MAD1L1: variants seen among roughly 807,000 people sequenced by gnomAD.
MAD1L1 encodes the protein mitotic spindle assembly checkpoint protein MAD1.
MAD1L1 carries 95 observed loss-of-function variants against 96.9 expected under a neutral mutation model. The observed-to-expected ratio is 0.98, with a 90% CI of 0.83 to 1.16. The LOEUF (loss-of-function observed/expected upper bound fraction) is 1.16. MAD1L1 is among the 50% of genes most tolerant of loss of function. The pLI is 0.00. For synonymous variants in MAD1L1, 473 were observed against 396.6 expected (o/e 1.19, Z -2.29); for missense variants, 1,007 against 954.4 (o/e 1.06, Z -0.73).
chr7:2,163,892 CTT>C (rs1348132297), intron 10 of MAD1L1, among the ~76,000 whole-genome samples: 1 of 151,992 alleles, frequency 6.6e-6, no homozygotes, highest in Non-Finnish European at 1.5e-5. Flanking sequence ...TGTAAATAGT[CTT>C]GTTTTCAAAA....
intron 15 of MAD1L1, among the ~76,000 whole-genome samples, chr7:1,970,288 C>T (rs1780345420): frequency 6.7e-6 from 1 of 149,898 alleles, no homozygotes; most frequent in African/African-American, 2.5e-5. Flanking sequence ...GAGCTGTATC[C>T]TATAAGAAAA....
At chr7:1,869,965 A>C (rs1166842337) in intron 18 of MAD1L1, among the ~76,000 whole-genome samples, 1 of 152,132 alleles carries the variant, frequency 6.6e-6, no homozygotes, top group African/African-American at 2.4e-5. Flanking sequence ...TTCATAAGCC[A>C]AGGGGTGCCT....
intron 11 of MAD1L1, among the ~76,000 whole-genome samples, chr7:2,139,749 G>A (rs1397675935): frequency 6.6e-6 from 1 of 152,214 alleles, no homozygotes; most frequent in Non-Finnish European, 1.5e-5. Context: ...GGGCCAGTGT[G>A]AGGGGCTCTG....
intron 10 of MAD1L1, among the ~76,000 whole-genome samples, chr7:2,162,446 A>G (rs536307434): frequency 6.6e-6 from 1 of 152,268 alleles, no homozygotes; most frequent in South Asian, 2.1e-4. Context: ...GGACACAAAC[A>G]CTGCGGAAGG....
rs566992593 is a variant in MAD1L1, at chr7:1,821,919, C to T, written c.1999-5691G>A. 6.8e-4 allele frequency among the ~76,000 whole-genome samples: 103 copies of T among 152,224 alleles called. 1 individual carries two copies. The South Asian group carries it at 9.5e-3, about 14-fold the overall frequency. On this transcript the variant is annotated intron_variant, in intron 18 of 18. Coordinates refer to ENST00000265854, the MANE Select transcript of MAD1L1 (RefSeq NM_001013836.2). ...AACCCAGCATGGGAGCTCCTCACGC[C>T]AGGGCATGCAGGTAAGAAAAGGAAA...
intron 10 of MAD1L1, among the ~76,000 whole-genome samples, chr7:2,170,896 G>A (rs938995432): frequency 7.2e-5 from 11 of 152,168 alleles, no homozygotes; most frequent in South Asian, 2.1e-4. Context: ...GATGGGAACC[G>A]GAGGAGCCCC....
chr7:2,220,782 G>C (rs1793559649), intron 5 of MAD1L1: 1 of 1,216,968 alleles, frequency 8.2e-7, no homozygotes, highest in Non-Finnish European at 1.1e-6. Flanking sequence ...CACCACAACA[G>C]TGAAGCATCA....
chr7:1,850,484 G>A (rs943760292), intron 18 of MAD1L1, among the ~76,000 whole-genome samples: 1 of 152,204 alleles, frequency 6.6e-6, no homozygotes, highest in Non-Finnish European at 1.5e-5. Flanking sequence ...CCAGGTGGGG[G>A]TACCCCAAGT....
chr7:2,162,556 TCTC>T (rs1342018407), intron 10 of MAD1L1, among the ~76,000 whole-genome samples: 3 of 144,730 alleles, frequency 2.1e-5, no homozygotes, highest in African/African-American at 7.9e-5. Flanking sequence ...CAAATCCCCC[TCTC>T]CGAGAAACAC....
chr7:2,021,720 G>A (rs976974335), intron 12 of MAD1L1, among the ~76,000 whole-genome samples: 16 of 151,968 alleles, frequency 1.1e-4, no homozygotes, highest in African/African-American at 2.7e-4. Flanking sequence ...AGCCAAGATC[G>A]CACCACTGCA....
intron 18 of MAD1L1, among the ~76,000 whole-genome samples, chr7:1,844,420 G>C (rs548286091): frequency 1.3e-5 from 2 of 152,124 alleles, no homozygotes; most frequent in African/African-American, 4.8e-5. Flanking sequence ...CGCCGGTTGG[G>C]TGCTCCACTG....
chr7:1,913,460 G>A, intron 17 of MAD1L1, among the ~76,000 whole-genome samples: 1 of 152,220 alleles, frequency 6.6e-6, no homozygotes, highest in East Asian at 1.9e-4. Flanking sequence ...CGTCGGGGGA[G>A]GCTCTCTGAG....
chr7:1,994,420 G>A (rs144569523), intron 14 of MAD1L1, among the ~76,000 whole-genome samples: 97 of 152,326 alleles, frequency 6.4e-4, no homozygotes, highest in African/African-American at 2.2e-3. Context: ...TTGGAAGGGC[G>A]TGAGAAGATG....
intron 11 of MAD1L1, among the ~76,000 whole-genome samples, chr7:2,092,105 C>T (rs575179427): frequency 2.4e-4 from 36 of 152,300 alleles, no homozygotes; most frequent in African/African-American, 8.2e-4. Context: ...CTCCTCCCAG[C>T]AGTGCGTGAG....
chr7:1,936,690 C>T lies in MAD1L1; in HGVS notation c.1804G>A (p.Ala602Thr), dbSNP rs1583845201. ...ACCGGGGGTGGGGGGTGCCTACCTG[C>T]CACCTCCTTGGACGATGGCAGACTC... Reference protein sequence around the residue: ...AASLPSSKEVAELKKQVESAE... With the variant: ...AASLPSSKEVTELKKQVESAE... The change falls in exon 17 of 19, where the codon GCA becomes ACA. Residue 602 changes from alanine (A) to threonine (T), a missense_variant. Physicochemically the swap from Ala to Thr is moderately conservative, Grantham distance 58 (BLOSUM62 0). Coordinates refer to ENST00000265854, the MANE Select transcript of MAD1L1 (RefSeq NM_001013836.2). 1.9e-6 allele frequency: 3 copies of T among 1,550,570 alleles called. No individual in the cohort carries two copies. The highest frequency in any genetic ancestry group is 2.4e-5 in the East Asian group (1 of 41,228).
At chr7:1,840,272 CCAGA>C (rs2128631967) in intron 18 of MAD1L1, among the ~76,000 whole-genome samples, 1 of 152,328 alleles carries the variant, frequency 6.6e-6, no homozygotes, top group East Asian at 1.9e-4. Flanking sequence ...CCCAACCCAG[CCAGA>C]CAAACTCTAA....
intron 18 of MAD1L1, among the ~76,000 whole-genome samples, chr7:1,888,018 T>A (rs1352634129): frequency 6.7e-6 from 1 of 148,684 alleles, no homozygotes; most frequent in Non-Finnish European, 1.5e-5. Context: ...TGTACGTGTG[T>A]GTGCATGCGT....
intron 18 of MAD1L1, among the ~76,000 whole-genome samples, chr7:1,888,917 A>G (rs1372669636): frequency 2.0e-5 from 3 of 152,216 alleles, no homozygotes; most frequent in South Asian, 4.1e-4. Context: ...TCCTCCCGCA[A>G]TCACCCTGCA....
intron 18 of MAD1L1, among the ~76,000 whole-genome samples, chr7:1,822,443 T>TATATATATATATA (rs57772706): frequency 4.5e-4 from 47 of 105,450 alleles, no homozygotes; most frequent in African/African-American, 1.5e-3. Flanking sequence ...TATATATATA[T>TATATATATATATA]TTTTTTTTTT....
Sources: allele counts gnomAD v4.1 joint callset (sites outside exome capture counted in the v4.1 genomes callset), GRCh38; gene constraint gnomAD v4.1.1; transcripts MANE v1.5; gene names NCBI Gene and HGNC (gene_info 2026-07-23, HGNC 2026-07-21).